KATNIP: variants seen among roughly 807,000 people sequenced by gnomAD.
The protein encoded by KATNIP is katanin interacting protein.
A neutral mutation model predicts 174.0 loss-of-function variants in KATNIP; 126 were observed. The observed-to-expected ratio is 0.72, with a 90% CI of 0.63 to 0.84. The LOEUF is 0.84. Ranked by LOEUF, KATNIP falls within the 40% of genes least tolerant of loss-of-function variation. The probability of loss-of-function intolerance (pLI) is 0.00; values close to 1 mark genes in which losing one functional copy is unlikely to be tolerated. For synonymous variants in KATNIP, 810 were observed against 835.7 expected, an observed-to-expected ratio of 0.97 and a Z score of 0.53; for missense variants, 1,958 against 2,109.7, an observed-to-expected ratio of 0.93 and a Z score of 1.41.
chr16:27,586,837 A>C (rs1249333524), intron 2 of KATNIP, among the ~76,000 whole-genome samples: 14 of 151,668 alleles, frequency 9.2e-5, no homozygotes, highest in African/African-American at 3.1e-4. Flanking sequence ...TCAAAAAAAA[A>C]AAAACAAAAA....
chr16:27,727,140 G>A (rs561429217), intron 14 of KATNIP: 90 of 172,972 alleles, frequency 5.2e-4, no homozygotes, highest in Non-Finnish European at 9.3e-4. Context: ...TAGTGTCATC[G>A]CCGGAGGCTT....
rs1597215513 is a variant in KATNIP at position 27,701,455 on chromosome 16, C to T, written c.1180-134C>T. On this transcript the variant is annotated intron_variant, in intron 10 of 27. Transcript: ENST00000261588. Reference sequence around the variant, plus strand: ...AGAAGCTCCAGGCAGTTGCTGTCACCCTCACATTCCTGTTCCTGTTTTCTA... The same window carrying T: ...AGAAGCTCCAGGCAGTTGCTGTCACTCTCACATTCCTGTTCCTGTTTTCTA... The T allele has an allele frequency of 7.7e-6, 5 of 648,456 alleles. No homozygotes were observed. In the East Asian group the frequency reaches 1.4e-4, roughly 18 times the overall value. 40.2% of individuals were successfully genotyped at this position (648,456 alleles called of 1,614,324 possible). A position where few individuals can be genotyped will look rare whatever the true frequency, so the allele number is the denominator to read the frequency against.
intron 18 of KATNIP, among the ~76,000 whole-genome samples, chr16:27,757,007 C>A (rs2081757906): frequency 6.6e-6 from 1 of 152,230 alleles, no homozygotes; most frequent in African/African-American, 2.4e-5. Flanking sequence ...CCAATAGTTG[C>A]AACTACTATC....
chr16:27,628,660 G>A lies in KATNIP; in HGVS notation c.141-1G>A. The A allele has an allele frequency of 6.2e-7, 1 of 1,614,020 alleles. No homozygotes were observed. The highest frequency in any genetic ancestry group is 1.1e-5 in the South Asian group (1 of 91,072). On this transcript the variant is annotated splice_acceptor_variant, in intron 3 of 27. Coordinates refer to ENST00000261588, the MANE Select transcript of KATNIP (RefSeq NM_015202.5). LOFTEE classifies it high-confidence loss of function. ...GGAACAACCCACCGTTTCTCTTTCA[G>A]GATATTAAAGCATTTGAAAAGCAAG...
chr16:27,763,802 C>G (rs1484949586), intron 19 of KATNIP, among the ~76,000 whole-genome samples: 2 of 152,146 alleles, frequency 1.3e-5, no homozygotes, highest in Non-Finnish European at 2.9e-5. Flanking sequence ...TCTCTAGGTT[C>G]TCTTTCCCCT....
At chr16:27,611,993 G>A (rs180731774) in intron 2 of KATNIP, among the ~76,000 whole-genome samples, 17 of 152,252 alleles carry the variant, frequency 1.1e-4, no homozygotes, top group Non-Finnish European at 2.2e-4. Flanking sequence ...GTCTGGGAGC[G>A]GAGGCTAGAG....
chr16:27,565,913 T>A (rs900925735), intron 1 of KATNIP, among the ~76,000 whole-genome samples: 7 of 152,060 alleles, frequency 4.6e-5, no homozygotes, highest in Non-Finnish European at 8.8e-5. Flanking sequence ...AGCCTTAAAA[T>A]TTTTTAAATT....
intron 2 of KATNIP, among the ~76,000 whole-genome samples, chr16:27,611,494 A>G (rs16976906): frequency 0.012 from 1,816 of 152,338 alleles, 50 homozygotes; most frequent in African/African-American, 0.041. Context: ...AATTATCGTC[A>G]TAGAGCTGGA....
chr16:27,777,917 T>C lies in KATNIP; in HGVS notation c.4749T>C (p.Asn1583=). The C allele has an allele frequency of 6.2e-7, 1 of 1,614,204 alleles. No homozygotes were observed. The highest frequency in any genetic ancestry group is 8.5e-7 in the Non-Finnish European group (1 of 1,180,028). ...AGGATCAAGATGTCCAGATGATGAA[T>C]GAAAACCAAATCATTACCAACGCGA... ...QAEDQDVQMM[N]ENQIITNAKR... The change falls in exon 27 of 28, where the codon AAT becomes AAC. Residue 1583 remains asparagine (N), a synonymous_variant. Transcript: ENST00000261588. The surrounding 1 kb of genome is among the most constrained non-coding windows in gnomAD (Gnocchi z 4.4).
chr16:27,719,782 A>G (rs1000867503), intron 13 of KATNIP, among the ~76,000 whole-genome samples: 3 of 149,184 alleles, frequency 2.0e-5, no homozygotes, highest in African/African-American at 7.4e-5. Context: ...CAATCCTACC[A>G]CTTCAGCCTC....
At position 27,776,219 on chromosome 16, in the gene KATNIP, G is replaced by C. The variant is rs1233023214; in HGVS notation, c.4450-709G>C. Among the ~76,000 whole-genome samples, 1 of 152,144 alleles carries C rather than the reference G, an allele frequency of 6.6e-6. No homozygotes were observed. Among genetic ancestry groups the C allele is most frequent in the East Asian group, 1.9e-4 (1 of 5,178 alleles). On this transcript the variant is annotated intron_variant, in intron 24 of 27. Transcript: ENST00000261588. The surrounding 1 kb of genome is among the most constrained non-coding windows in gnomAD (Gnocchi z 4.7). ...TCCCTCTTGGCATATTCTGAGGATG[G>C]TCACAGGCTGGGGACCAGGGCCTGG...
intron 2 of KATNIP, among the ~76,000 whole-genome samples, chr16:27,601,513 G>A (rs1338711976): frequency 3.3e-5 from 5 of 152,086 alleles, no homozygotes; most frequent in Non-Finnish European, 5.9e-5. Context: ...GGGTGCTCTC[G>A]AGGTATTTCC....
intron 5 of KATNIP, among the ~76,000 whole-genome samples, chr16:27,641,851 T>C (rs2076809983): frequency 6.6e-6 from 1 of 152,184 alleles, no homozygotes; most frequent in East Asian, 1.9e-4. Flanking sequence ...GGCCCCCTTT[T>C]TCTGGACAAA....
chr16:27,589,008 T>C (rs1018955516), intron 2 of KATNIP, among the ~76,000 whole-genome samples: 5 of 149,562 alleles, frequency 3.3e-5, no homozygotes, highest in African/African-American at 4.9e-5. Flanking sequence ...TGCCTCAGCC[T>C]CCCTAGTAGC....
chr16:27,633,967 G>A (rs1357184526), intron 5 of KATNIP, among the ~76,000 whole-genome samples: 1 of 152,200 alleles, frequency 6.6e-6, no homozygotes, highest in Non-Finnish European at 1.5e-5. Context: ...AGGACACACA[G>A]CCTGGAGGCC....
chr16:27,631,462 A>C lies in KATNIP; in HGVS notation c.408+300A>C, dbSNP rs2076487094. Among the ~76,000 whole-genome samples the C allele has an allele frequency of 2.6e-5, 4 of 151,984 alleles. No homozygotes were observed. The South Asian group carries it at 6.2e-4, about 24-fold the overall frequency. On this transcript the variant is annotated intron_variant, in intron 5 of 27. Transcript: ENST00000261588. ...CAGGAGGCTGAGGTGGGAGGATTGC[A>C]TGAGCCCAGAAGTTTAAGCCCGCAG...
At position 27,774,952 on chromosome 16, in the gene KATNIP, G is replaced by T. The variant is rs374775324; in HGVS notation, c.4317G>T (p.Ala1439=). Residue 1439 remains alanine (A), a synonymous_variant, in exon 24 of 28, where the codon GCG becomes GCT. Transcript: ENST00000261588. ...ACTTAGACGTCTCCTCAGATATTGC[G>T]GCCTTCCCCGACAGCGTGAACTCCC... ...EKIPLSENNI[A]AFPDSVNSLE... 7 of 1,613,852 alleles carry T rather than the reference G, an allele frequency of 4.3e-6. No individual in the cohort carries two copies. Among genetic ancestry groups the T allele is most frequent in the South Asian group, 1.1e-5 (1 of 91,070 alleles).
intron 2 of KATNIP, among the ~76,000 whole-genome samples, chr16:27,579,135 G>A (rs60015440): frequency 0.017 from 2,552 of 152,320 alleles, 69 homozygotes; most frequent in African/African-American, 0.057. Flanking sequence ...AGATCACAGA[G>A]GAGGAAGAAA....
chr16:27,616,194 A>G (rs963378505), intron 2 of KATNIP, among the ~76,000 whole-genome samples: 2 of 152,096 alleles, frequency 1.3e-5, no homozygotes, highest in Non-Finnish European at 2.9e-5. Flanking sequence ...CAACATGGTA[A>G]AACCCTGTCT....
Sources: gnomAD v4.1 joint callset for allele counts (sites outside exome capture counted in the v4.1 genomes callset) on GRCh38, gnomAD v4.1.1 for gene constraint, Gnocchi (gnomAD v3.1) non-coding constraint, MANE v1.5 for transcripts, NCBI Gene and HGNC (gene_info 2026-07-23, HGNC 2026-07-21) for gene names.